The following PPP2R1B variants were observed in gnomAD, a reference collection of about 807,000 sequenced individuals.
PPP2R1B encodes serine/threonine-protein phosphatase 2A 65 kDa regulatory subunit A beta isoform.
In PPP2R1B, 58 loss-of-function variants were observed where a neutral mutation model predicts 72.7. The observed-to-expected ratio is 0.80, with a 90% CI of 0.65 to 0.99. PPP2R1B has a LOEUF of 0.99. PPP2R1B is among the 50% of genes least tolerant of loss of function. The probability of loss-of-function intolerance (pLI) is 0.00; values close to 1 mark genes in which losing one functional copy is unlikely to be tolerated. For missense variants in PPP2R1B, 695 were observed against 733.6 expected (o/e 0.95, Z 0.61); for synonymous variants, 256 against 264.6 (o/e 0.97, Z 0.32).
chr11:111,698,292 C>T, the PPP2R1B span, among the ~76,000 whole-genome samples: 5 of 152,332 alleles, frequency 3.3e-5, no homozygotes, highest in East Asian at 1.9e-4. Flanking sequence ...AGCTCTTGTT[C>T]TCTTGCCTGT....
Position 111,743,541 on chromosome 11 carries a change from G to A in PPP2R1B, c.1400-11C>T. 1 of 1,588,556 alleles carries A rather than the reference G, an allele frequency of 6.3e-7. No homozygotes were observed. The highest frequency in any genetic ancestry group is 8.5e-7 in the Non-Finnish European group (1 of 1,171,838). On this transcript the variant is annotated splice_polypyrimidine_tract_variant and intron_variant, in intron 11 of 14. Transcript: ENST00000527614. ...CTCGGATGGCGTATACTGCAGAAGA[G>A]GTCAAAAACATGTTCTCATATCGCT... is the stretch of plus-strand genomic sequence containing the variant.
intron 5 of PPP2R1B, among the ~76,000 whole-genome samples, chr11:111,756,501 GAGT>G (rs1393583751): frequency 4.6e-5 from 7 of 152,254 alleles, no homozygotes; most frequent in African/African-American, 1.4e-4. Flanking sequence ...ACAAAGGTAA[GAGT>G]AAGAGTAAAG....
the PPP2R1B span, among the ~76,000 whole-genome samples, chr11:111,713,798 C>T: frequency 6.6e-6 from 1 of 152,154 alleles, no homozygotes; most frequent in Non-Finnish European, 1.5e-5. Flanking sequence ...GAAACTCCGT[C>T]TCTACTAAAA....
chr11:111,728,818 G>A (rs1414858243), intron 15 of PPP2R1B: 1 of 151,996 alleles, frequency 6.6e-6, no homozygotes, highest in Admixed American at 6.5e-5. Flanking sequence ...CAGCTACTCG[G>A]GAGGCTGAGG....
chr11:111,706,205 T>C, the PPP2R1B span, among the ~76,000 whole-genome samples: 1 of 152,266 alleles, frequency 6.6e-6, no homozygotes, highest in Non-Finnish European at 1.5e-5. Flanking sequence ...AAATACTATA[T>C]GCCTGGCACA....
chr11:111,719,700 T>C, the PPP2R1B span: 1 of 1,428,796 alleles, frequency 7.0e-7, no homozygotes, highest in Non-Finnish European at 9.7e-7. Context: ...CCACAAGTCT[T>C]GACATGTTTT....
chr11:111,750,810 A>G (rs1399852617), intron 10 of PPP2R1B, among the ~76,000 whole-genome samples: 1 of 152,036 alleles, frequency 6.6e-6, no homozygotes, highest in African/African-American at 2.4e-5. Flanking sequence ...CCAAAATACT[A>G]ACATTACAAG....
At chr11:111,690,779 G>A in the PPP2R1B span, among the ~76,000 whole-genome samples, 3 of 152,148 alleles carry the variant, frequency 2.0e-5, no homozygotes, top group African/African-American at 7.2e-5. Flanking sequence ...CCCTGCAAAG[G>A]ACATGAACTC....
downstream of PPP2R1B, among the ~76,000 whole-genome samples, chr11:111,734,353 A>G (rs1944280646): frequency 6.6e-6 from 1 of 152,254 alleles, no homozygotes; most frequent in Non-Finnish European, 1.5e-5. Flanking sequence ...AATGAGTTCT[A>G]GGCATCAGAC....
At chr11:111,698,580 A>G in the PPP2R1B span, among the ~76,000 whole-genome samples, 1 of 152,220 alleles carries the variant, frequency 6.6e-6, no homozygotes, top group Non-Finnish European at 1.5e-5. Context: ...TGTCTCTACT[A>G]AAAATACAAA....
the PPP2R1B span, among the ~76,000 whole-genome samples, chr11:111,705,466 G>A: frequency 1.3e-5 from 2 of 152,096 alleles, no homozygotes; most frequent in African/African-American, 4.8e-5. The surrounding 1 kb of genome is among the most constrained non-coding windows in gnomAD (Gnocchi z 4.3). Context: ...CACTGTTGGG[G>A]GTAAGATATA....
At chr11:111,723,827 C>T, downstream of PPP2R1B, 1 of 1,613,502 alleles carries the variant, frequency 6.2e-7, no homozygotes, top group Non-Finnish European at 8.5e-7. Flanking sequence ...GCCACCGCCA[C>T]CACCCCCTCC....
At chr11:111,751,187 G>C (rs1944894893) in intron 10 of PPP2R1B, among the ~76,000 whole-genome samples, 1 of 152,090 alleles carries the variant, frequency 6.6e-6, no homozygotes, top group African/African-American at 2.4e-5. Context: ...CCTTTAATCA[G>C]AATGTAGGGC....
downstream of PPP2R1B, chr11:111,726,287 GC>G (rs1943963686): frequency 6.6e-6 from 1 of 152,224 alleles, no homozygotes; most frequent in Non-Finnish European, 1.5e-5. Flanking sequence ...CCCCAACAAT[GC>G]CATGAGCTGC....
downstream of PPP2R1B, among the ~76,000 whole-genome samples, chr11:111,734,978 G>A (rs1944297333): frequency 6.6e-6 from 1 of 152,224 alleles, no homozygotes; most frequent in Non-Finnish European, 1.5e-5. Flanking sequence ...ACCAGCAGGT[G>A]CTGATTAAAT....
chr11:111,716,588 A>G, the PPP2R1B span, among the ~76,000 whole-genome samples: 3 of 152,158 alleles, frequency 2.0e-5, no homozygotes, highest in Non-Finnish European at 4.4e-5. Context: ...CCAAAAAAAG[A>G]AAAAAGAAGA....
chr11:111,706,321 G>A, the PPP2R1B span, among the ~76,000 whole-genome samples: 4 of 152,184 alleles, frequency 2.6e-5, no homozygotes, highest in African/African-American at 9.7e-5. Context: ...CAGAGCCTGA[G>A]AAGATAGGGG....
intron 3 of PPP2R1B, among the ~76,000 whole-genome samples, chr11:111,764,028 G>A (rs1555052217): frequency 1.3e-5 from 2 of 152,076 alleles, no homozygotes; most frequent in African/African-American, 4.8e-5. Flanking sequence ...TGAATTCCTG[G>A]TCATCCTTTA....
intron 15 of PPP2R1B, among the ~76,000 whole-genome samples, chr11:111,731,875 T>A (rs1944204797): frequency 6.6e-6 from 1 of 152,238 alleles, no homozygotes; most frequent in South Asian, 2.1e-4. Flanking sequence ...GTTTTCCCTT[T>A]CCCACCAGAT....
Sources: gnomAD v4.1 joint callset for allele counts (sites outside exome capture counted in the v4.1 genomes callset) on GRCh38, gnomAD v4.1.1 for gene constraint, Gnocchi (gnomAD v3.1) non-coding constraint, MANE v1.5 for transcripts, NCBI Gene and HGNC (gene_info 2026-07-23, HGNC 2026-07-21) for gene names.